The following MME variants were observed in gnomAD, a reference collection of about 807,000 sequenced individuals.
MME encodes the protein membrane metalloendopeptidase.
In MME, 98 loss-of-function variants were observed where a neutral mutation model predicts 113.2. That is an observed-to-expected ratio of 0.87 (90% CI 0.74 to 1.02). The LOEUF (loss-of-function observed/expected upper bound fraction) is 1.02. MME is among the 50% of genes least tolerant of loss of function. The pLI is 0.00. For missense variants in MME, 836 were observed against 896.0 expected, an observed-to-expected ratio of 0.93 and a Z score of 0.86; for synonymous variants, 292 against 300.6, an observed-to-expected ratio of 0.97 and a Z score of 0.30.
upstream of MME, among the ~76,000 whole-genome samples, chr3:155,079,423 A>T (rs1055787314): frequency 1.3e-5 from 2 of 152,070 alleles, no homozygotes; most frequent in Non-Finnish European, 2.9e-5. Context: ...AAGCTAAGCA[A>T]TTCTAAAAAT....
At chr3:155,172,704 T>C (rs1313515989) in intron 22 of MME, 92 bp downstream of exon 22, 3 of 983,016 alleles carry the variant, frequency 3.1e-6, no homozygotes, top group East Asian at 2.5e-5. Flanking sequence ...CTGATTCTTT[T>C]ACATTTGGAA....
At chr3:155,165,275 C>T (rs1294299829) in intron 17 of MME, among the ~76,000 whole-genome samples, 1 of 152,056 alleles carries the variant, frequency 6.6e-6, no homozygotes, top group Admixed American at 6.6e-5. Flanking sequence ...AGATTAGTTA[C>T]CTCCAAATAA....
intron 8 of MME, among the ~76,000 whole-genome samples, chr3:155,119,629 C>A (rs1170856009): frequency 6.9e-6 from 1 of 145,348 alleles, no homozygotes; most frequent in African/African-American, 2.5e-5. Context: ...CATGTGATCT[C>A]ATTGTTCAAT....
At chr3:155,100,140 G>T (rs1717080209) in intron 3 of MME, among the ~76,000 whole-genome samples, 1 of 152,124 alleles carries the variant, frequency 6.6e-6, no homozygotes, top group African/African-American at 2.4e-5. Context: ...GAAAAGTTTT[G>T]CAATTTACTC....
chr3:155,144,092 A>C (rs560554506), intron 13 of MME, among the ~76,000 whole-genome samples: 1 of 152,308 alleles, frequency 6.6e-6, no homozygotes, highest in Non-Finnish European at 1.5e-5. Context: ...TTCTTCCAGT[A>C]TGATAGTGAA....
chr3:155,178,983 A>G (rs551611214), intron 22 of MME, among the ~76,000 whole-genome samples: 6 of 152,294 alleles, frequency 3.9e-5, no homozygotes, highest in African/African-American at 1.4e-4. Context: ...TCAGGAAGTA[A>G]AAAAGGAGAA....
intron 1 of MME, among the ~76,000 whole-genome samples, chr3:155,071,988 C>A (rs918575818): frequency 1.3e-5 from 2 of 151,638 alleles, no homozygotes; most frequent in Non-Finnish European, 2.9e-5. Flanking sequence ...GGTGAAACCC[C>A]GTCTCTACTA....
chr3:155,063,401 T>TATATATAAATA, intron 1 of MME, among the ~76,000 whole-genome samples: 1 of 110,550 alleles, frequency 9.0e-6, no homozygotes, highest in Non-Finnish European at 1.6e-5. Flanking sequence ...CATATATATT[T>TATATATAAATA]TATATTTTAT....
At chr3:155,172,500 G>C (rs1400359392) in intron 21 of MME, 36 bp from the exon 22 acceptor site, 1 of 1,494,056 alleles carries the variant, frequency 6.7e-7, no homozygotes, top group Non-Finnish European at 9.3e-7. Flanking sequence ...GATTGAACCT[G>C]AGTACATGCT....
At chr3:155,173,044 T>G (rs965723058) in intron 22 of MME, among the ~76,000 whole-genome samples, 1 of 152,086 alleles carries the variant, frequency 6.6e-6, no homozygotes, top group Non-Finnish European at 1.5e-5. Flanking sequence ...AATAACATTA[T>G]TCCCAAAGCT....
intron 22 of MME, 21 bp from the exon 23 acceptor site, chr3:155,180,339 C>T (rs1284993807): frequency 6.3e-7 from 1 of 1,597,248 alleles, no homozygotes; most frequent in Non-Finnish European, 8.6e-7. Context: ...CTGACGGTGA[C>T]TTTTTTTGTT....
chr3:155,087,037 A>G (rs1715810894), intron 3 of MME, among the ~76,000 whole-genome samples: 1 of 138,866 alleles, frequency 7.2e-6, no homozygotes, highest in African/African-American at 2.7e-5. Context: ...GGGTCTCACT[A>G]TGTTGCCCAA....
chr3:155,045,439 C>T (rs148404260), intron 1 of MME, among the ~76,000 whole-genome samples: 1,993 of 152,028 alleles, frequency 0.013, 43 homozygotes, highest in African/African-American at 0.046. Flanking sequence ...TGAGCCACCA[C>T]GCCTGGCCTA....
intron 16 of MME, among the ~76,000 whole-genome samples, chr3:155,153,093 G>A (rs949176224): frequency 4.0e-4 from 61 of 150,890 alleles, no homozygotes; most frequent in African/African-American, 1.4e-3. Context: ...TTGGAGTGCA[G>A]TGACACCATC....
chr3:155,144,398 C>G lies in MME; in HGVS notation c.1357C>G (p.Gln453Glu). Residue 453 changes from glutamine to glutamate, a missense_variant, in exon 14 of 23, where the codon CAG becomes GAG. Physicochemically the swap from Gln to Glu is conservative, Grantham distance 29 (BLOSUM62 2). Transcript: ENST00000360490. ...TGCACAGATCCGAGAAGTTTTTATT[C>G]AGACTTTAGATGACCTCACTTGGAT... ...LIAQIREVFIQTLDDLTWMDA... is the reference protein window; with the variant it reads ...LIAQIREVFIETLDDLTWMDA... 1 of 1,612,780 alleles carries G rather than the reference C, an allele frequency of 6.2e-7. No homozygotes were observed. The highest frequency in any genetic ancestry group is 8.5e-7 in the Non-Finnish European group (1 of 1,179,280).
chr3:155,067,380 G>A (rs1714416683), intron 1 of MME, among the ~76,000 whole-genome samples: 1 of 122,578 alleles, frequency 8.2e-6, no homozygotes, highest in South Asian at 2.6e-4. Context: ...GCACCATCTT[G>A]GCTCACTGCA....
chr3:155,056,884 G>T (rs1484610185), intron 1 of MME, among the ~76,000 whole-genome samples: 4 of 152,120 alleles, frequency 2.6e-5, no homozygotes, highest in Non-Finnish European at 1.5e-5. Flanking sequence ...GGGAAAACTG[G>T]CTAGCCATAT....
In MME at chr3:155,116,702, C is replaced by T. The variant is rs776225643; in HGVS notation, c.478C>T (p.Leu160=). 6.2e-7 allele frequency: 1 copy of T among 1,613,394 alleles called. No homozygotes were observed. Among genetic ancestry groups the T allele is most frequent in the African/African-American group, 1.3e-5 (1 of 74,944 alleles). ...DSRGGEPLLK[L]LPDIYGWPVA... is the part of the protein sequence containing the mutation. ...CAGAGGTGGAGAACCTCTACTCAAACTGTTACCAGACATATATGGGTGGCC... is the reference window on the plus strand; with the variant it reads ...CAGAGGTGGAGAACCTCTACTCAAATTGTTACCAGACATATATGGGTGGCC... The change falls in exon 6 of 23, where the codon CTG becomes TTG. Residue 160 remains leucine, a synonymous_variant. Coordinates refer to ENST00000360490, the MANE Select transcript of MME (RefSeq NM_007289.4).
chr3:155,068,845 T>C (rs1714466326), intron 1 of MME, among the ~76,000 whole-genome samples: 1 of 152,186 alleles, frequency 6.6e-6, no homozygotes, highest in South Asian at 2.1e-4. Context: ...AGTATAATAA[T>C]CCAGGGAAAA....
Sources: gnomAD v4.1 joint callset for allele counts (sites outside exome capture counted in the v4.1 genomes callset) on GRCh38, gnomAD v4.1.1 for gene constraint, MANE v1.5 for transcripts, NCBI Gene and HGNC (gene_info 2026-07-23, HGNC 2026-07-21) for gene names.